The following ITGB3 variants were observed in gnomAD, a reference collection of about 807,000 sequenced individuals.
ITGB3 encodes the protein integrin beta-3.
ITGB3 carries 48 observed loss-of-function variants against 85.8 expected under a neutral mutation model. That is an observed-to-expected ratio of 0.56 (90% CI 0.44 to 0.71). The LOEUF (loss-of-function observed/expected upper bound fraction) is 0.71. Ranked by LOEUF, ITGB3 falls within the 30% of genes least tolerant of loss-of-function variation. The probability of loss-of-function intolerance (pLI) is 0.00; values close to 1 mark genes in which losing one functional copy is unlikely to be tolerated. For synonymous variants in ITGB3, 363 were observed against 395.6 expected (o/e 0.92, Z 0.98); for missense variants, 861 against 1,019.1 (o/e 0.84, Z 2.11).
At chr17:47,283,176 A>G (rs545578176) in intron 2 of ITGB3, among the ~76,000 whole-genome samples, 178 bp from the exon 3 acceptor site, 1 of 152,014 alleles carries the variant, frequency 6.6e-6, no homozygotes, top group Admixed American at 6.6e-5. Context: ...CAAAGTATCA[A>G]TTTCCCCTTT....
At chr17:47,274,272 T>C in intron 1 of ITGB3, 147 bp from the exon 2 acceptor site, 1 of 746,466 alleles carries the variant, frequency 1.3e-6, no homozygotes, top group Non-Finnish European at 2.4e-6. Context: ...AACCTGTATT[T>C]GGTAGACGTC....
chr17:47,287,167 T>A lies in ITGB3; in HGVS notation c.875T>A (p.Val292Asp). ...TTGGACGGAAGGCTGGCAGGCATTGTCCAGCCTAATGACGGGCAGTGTCAT... is the reference window on the plus strand; with the variant it reads ...TTGGACGGAAGGCTGGCAGGCATTGACCAGCCTAATGACGGGCAGTGTCAT... Reference protein sequence around the residue: ...IALDGRLAGIVQPNDGQCHVG... With the variant: ...IALDGRLAGIDQPNDGQCHVG... Residue 292 changes from valine (V) to aspartate (D), a missense_variant, in exon 6 of 15, where the codon GTC becomes GAC. Coordinates refer to ENST00000559488, the MANE Select transcript of ITGB3 (RefSeq NM_000212.3). 1 of 1,613,950 alleles carries A rather than the reference T, an allele frequency of 6.2e-7. No homozygotes were observed. Among genetic ancestry groups the A allele is most frequent in the Non-Finnish European group, 8.5e-7 (1 of 1,179,846 alleles).
At chr17:47,307,227 A>AC (rs1168159082) in intron 13 of ITGB3, among the ~76,000 whole-genome samples, 1 of 151,904 alleles carries the variant, frequency 6.6e-6, no homozygotes, top group Non-Finnish European at 1.5e-5. Context: ...ACTTGGGTGA[A>AC]CCCCCACACA....
At chr17:47,307,785 T>C (rs2065194899) in intron 14 of ITGB3, 148 bp downstream of exon 14, 2 of 779,408 alleles carry the variant, frequency 2.6e-6, no homozygotes, top group East Asian at 5.4e-5. Flanking sequence ...GGTCTCACTA[T>C]CCCCTTGTCC....
chr17:47,275,590 C>G (rs1312279691), intron 2 of ITGB3, among the ~76,000 whole-genome samples: 1 of 152,242 alleles, frequency 6.6e-6, no homozygotes, highest in South Asian at 2.1e-4. Flanking sequence ...AGCCCTCAGT[C>G]TCTCTGTCTG....
chr17:47,266,182 C>T (rs768263470), intron 1 of ITGB3, among the ~76,000 whole-genome samples: 1 of 152,056 alleles, frequency 6.6e-6, no homozygotes, highest in Non-Finnish European at 1.5e-5. Context: ...AGTGAGCAGT[C>T]AAAGGTCAGT....
intron 1 of ITGB3, among the ~76,000 whole-genome samples, chr17:47,254,242 C>CCGA (rs924954746): frequency 8.6e-5 from 13 of 151,920 alleles, no homozygotes; most frequent in African/African-American, 3.1e-4. Flanking sequence ...TCTCTGAGCC[C>CCGA]CGCGCTCACC....
Position 47,287,171 on chromosome 17 carries a change from G to A in ITGB3, c.879G>A (p.Gln293=). ...ALDGRLAGIV[Q]PNDGQCHVGS... is the part of the protein sequence containing the mutation. ...ACGGAAGGCTGGCAGGCATTGTCCA[G>A]CCTAATGACGGGCAGTGTCATGTTG... The change falls in exon 6 of 15, where the codon CAG becomes CAA. Residue 293 remains glutamine (Q), a synonymous_variant. Transcript: ENST00000559488. 6.2e-7 allele frequency: 1 copy of A among 1,614,022 alleles called. No homozygotes were observed. Among genetic ancestry groups the A allele is most frequent in the Non-Finnish European group, 8.5e-7 (1 of 1,179,904 alleles).
chr17:47,298,063 C>G (rs1226308003), intron 10 of ITGB3, among the ~76,000 whole-genome samples: 1 of 152,054 alleles, frequency 6.6e-6, no homozygotes, highest in Non-Finnish European at 1.5e-5. Context: ...GAGAAGGGAA[C>G]CAGGTCAAGA....
At chr17:47,295,500 T>C (rs113511104) in intron 10 of ITGB3, among the ~76,000 whole-genome samples, 259 of 152,258 alleles carry the variant, frequency 1.7e-3, no homozygotes, top group African/African-American at 5.9e-3. Context: ...GCCAGTCCTG[T>C]GACATTACCA....
At chr17:47,265,615 C>T (rs62074423) in intron 1 of ITGB3, among the ~76,000 whole-genome samples, 40,278 of 152,054 alleles carry the variant, frequency 0.26, 5,605 homozygotes, top group African/African-American at 0.32. Flanking sequence ...ATCAATTGAT[C>T]ACATCTGCAA....
rs749206624 is a variant in ITGB3, at chr17:47,274,515, G to A, written c.165+11G>A. 6.2e-7 allele frequency: 1 copy of A among 1,611,364 alleles called. No homozygotes were observed. Among genetic ancestry groups the A allele is most frequent in the Non-Finnish European group, 8.5e-7 (1 of 1,177,818 alleles). On this transcript the variant is annotated intron_variant, in intron 2 of 14. Coordinates refer to ENST00000559488, the MANE Select transcript of ITGB3 (RefSeq NM_000212.3). ...TGGTGCTCTGATGAGGTAAGGAGCA[G>A]ATACCAGACCTTGTTTCTTCTCCAG...
chr17:47,282,336 A>C (rs1325886321), intron 2 of ITGB3, among the ~76,000 whole-genome samples: 1 of 151,950 alleles, frequency 6.6e-6, no homozygotes, highest in Non-Finnish European at 1.5e-5. Flanking sequence ...TATCTCCTTA[A>C]CTCTTTTCAT....
chr17:47,293,037 C>T (rs1179462719), intron 10 of ITGB3, among the ~76,000 whole-genome samples: 7 of 152,200 alleles, frequency 4.6e-5, no homozygotes, highest in Non-Finnish European at 7.3e-5. Flanking sequence ...GCTTTAGCCA[C>T]ATGTGGCTAT....
At chr17:47,253,994 G>C (rs2064977944) in intron 1 of ITGB3, 54 bp downstream of exon 1, 1 of 1,178,930 alleles carries the variant, frequency 8.5e-7, no homozygotes, top group Non-Finnish European at 1.1e-6. Context: ...TCTGCGCCCC[G>C]GTCAAGTTGC....
Position 47,313,618 on chromosome 17 carries a change from G to T in ITGB3, c.*3414G>T, listed in dbSNP as rs2065225230. 6.6e-6 allele frequency among the ~76,000 whole-genome samples: 1 copy of T among 152,104 alleles called. No individual in the cohort carries two copies. Among genetic ancestry groups the T allele is most frequent in the Admixed American group, 6.5e-5 (1 of 15,272 alleles). On this transcript the variant is annotated 3_prime_UTR_variant, in exon 15 of 15. Coordinates refer to ENST00000559488, the MANE Select transcript of ITGB3 (RefSeq NM_000212.3). ...CCCGCCTCGGCCTCCCAAAGTGCTG[G>T]GATTACAGGCGTGAGCCACTGCCCC...
At chr17:47,256,942 A>G (rs559724133) in intron 1 of ITGB3, among the ~76,000 whole-genome samples, 1 of 152,308 alleles carries the variant, frequency 6.6e-6, no homozygotes, top group Non-Finnish European at 1.5e-5. Context: ...AGGGAGGGCT[A>G]TGGTTTAAAG....
rs1364485845 is a variant in ITGB3, at chr17:47,284,462, C to T, written c.381C>T (p.Ser127=). The change falls in exon 4 of 15, where the codon TCC becomes TCT. Residue 127 remains serine (S), a synonymous_variant. Coordinates refer to ENST00000559488, the MANE Select transcript of ITGB3 (RefSeq NM_000212.3). The part of the protein sequence containing the change: ...RLRPDDSKNF[S]IQVRQVEDYP... Reference sequence around the variant, plus strand: ...TTCCAGATGATTCGAAGAATTTCTCCATCCAAGTGCGGCAGGTGGAGGATT... The same window carrying T: ...TTCCAGATGATTCGAAGAATTTCTCTATCCAAGTGCGGCAGGTGGAGGATT... 1.2e-6 allele frequency: 2 copies of T among 1,614,080 alleles called. No individual in the cohort carries two copies. The highest frequency in any genetic ancestry group is 2.2e-5 in the South Asian group (2 of 91,078).
At chr17:47,284,823 C>T in intron 4 of ITGB3, 128 bp downstream of exon 4, 1 of 1,280,576 alleles carries the variant, frequency 7.8e-7, no homozygotes. Flanking sequence ...TCCTTTCTAC[C>T]TTGGTCTCCC....
Sources: gnomAD v4.1 joint callset for allele counts (sites outside exome capture counted in the v4.1 genomes callset) on GRCh38, gnomAD v4.1.1 for gene constraint, MANE v1.5 for transcripts, NCBI Gene and HGNC (gene_info 2026-07-23, HGNC 2026-07-21) for gene names.